ZFYVE9: variants seen among roughly 807,000 people sequenced by gnomAD.
ZFYVE9 encodes zinc finger FYVE domain-containing protein 9.
ZFYVE9 carries 43 observed loss-of-function variants against 126.7 expected under a neutral mutation model. The ratio of observed to expected loss-of-function variants is 0.34; its 90% confidence interval spans 0.27 to 0.44. ZFYVE9 has a LOEUF of 0.44. Among genes scored for constraint, ZFYVE9 ranks in the 20% least tolerant of loss-of-function variants. ZFYVE9 has a pLI of 1.00. For missense variants in ZFYVE9, 1,476 were observed against 1,697.0 expected (o/e 0.87, Z 2.29); for synonymous variants, 521 against 597.4 (o/e 0.87, Z 1.87).
At chr1:52,244,665 GA>G (rs1266444727) in intron 4 of ZFYVE9, among the ~76,000 whole-genome samples, 1 of 152,104 alleles carries the variant, frequency 6.6e-6, no homozygotes, top group Non-Finnish European at 1.5e-5. Context: ...TCAGTTAGAT[GA>G]ATTAAAAAAT....
intron 17 of ZFYVE9, among the ~76,000 whole-genome samples, chr1:52,341,398 T>C (rs1646436400): frequency 6.6e-6 from 1 of 152,180 alleles, no homozygotes; most frequent in Middle Eastern, 3.2e-3. Context: ...CACCTGGGAA[T>C]GAGAGGAGCA....
At chr1:52,162,046 A>G (rs1644465306) in intron 1 of ZFYVE9, 2 of 153,688 alleles carry the variant, frequency 1.3e-5, no homozygotes, top group African/African-American at 2.4e-5. Flanking sequence ...TAGATACTAA[A>G]TAAACCAAAA....
chr1:52,253,693 A>G (rs772838934), intron 4 of ZFYVE9: 3 of 1,603,128 alleles, frequency 1.9e-6, no homozygotes, highest in South Asian at 1.1e-5. Context: ...AGTACGGGAA[A>G]TTGGGTCACA....
intron 3 of ZFYVE9, among the ~76,000 whole-genome samples, chr1:52,236,688 A>T (rs553073175): frequency 1.7e-4 from 26 of 152,292 alleles, no homozygotes; most frequent in African/African-American, 5.5e-4. Context: ...ATGATAAATG[A>T]ACACTTTTTG....
intron 1 of ZFYVE9, among the ~76,000 whole-genome samples, chr1:52,198,196 A>G (rs1376686956): frequency 1.6e-5 from 2 of 128,880 alleles, no homozygotes; most frequent in African/African-American, 5.8e-5. Context: ...ATCTCGGCTC[A>G]CTACAACCTC....
At chr1:52,145,102 T>G (rs935388682) in intron 1 of ZFYVE9, among the ~76,000 whole-genome samples, 1 of 152,228 alleles carries the variant, frequency 6.6e-6, no homozygotes, top group Non-Finnish European at 1.5e-5. Flanking sequence ...AATCTCTGTT[T>G]AAGGCTTCTG....
rs745562224 is a variant in ZFYVE9, at chr1:52,233,272, C to A, written c.66C>A (p.Asn22Lys). ...AGGTGTTAGATGAATTTGAACAAAA[C>A]GAAGGTGAGAATTTATATTGGTGAA... ...LDKVLDEFEQNEDETVSSTLL... is the reference protein window; with the variant it reads ...LDKVLDEFEQKEDETVSSTLL... Residue 22 changes from asparagine to lysine, a missense_variant, in exon 3 of 19, where the codon AAC (asparagine) becomes AAA (lysine). Transcript: ENST00000287727. 1 of 1,575,260 alleles carries A rather than the reference C, an allele frequency of 6.3e-7. No homozygotes were observed. Among genetic ancestry groups the A allele is most frequent in the Non-Finnish European group, 8.6e-7 (1 of 1,157,480 alleles).
Position 52,239,550 on chromosome 1 carries a change from G to T in ZFYVE9, c.2133G>T (p.Arg711Ser). The change falls in exon 4 of 19, where the codon AGG becomes AGT. Residue 711 changes from arginine to serine, a missense_variant. Physicochemically the swap from Arg to Ser is moderately radical, Grantham distance 110. This residue lies in a region of ZFYVE9 where 669 missense variants were observed against 902.4 expected (regional missense o/e 0.74). Transcript: ENST00000287727. Reference protein sequence around the residue: ...QAPNCMKCEARFTFTKRRHHC... With the variant: ...QAPNCMKCEASFTFTKRRHHC... ...CAAATTGCATGAAATGTGAAGCCAG[G>T]TTTACATTCACCAAAAGGAGGCATC... 1.2e-6 allele frequency: 2 copies of T among 1,614,010 alleles called. No homozygotes were observed. Among genetic ancestry groups the T allele is most frequent in the Non-Finnish European group, 1.7e-6 (2 of 1,179,932 alleles).
Position 52,295,887 on chromosome 1 carries a change from TTC to T in ZFYVE9, c.3251-7_3251-6del, listed in dbSNP as rs768070076. The stretch of plus-strand genomic sequence containing the variant: ...AAATTTAAGTTTGATCATTTCTCAT[TTC>T]CATAGTTTATCCATGCCCACTATTC... On this transcript the variant is annotated splice_polypyrimidine_tract_variant and splice_region_variant and intron_variant, in intron 11 of 18. Transcript: ENST00000287727. The T allele has an allele frequency of 1.1e-5, 17 of 1,610,622 alleles. No homozygotes were observed. The South Asian group carries it at 1.9e-4, about 18-fold the overall frequency.
chr1:52,238,093 G>T lies in ZFYVE9; in HGVS notation c.676G>T (p.Val226Phe). 6.2e-7 allele frequency: 1 copy of T among 1,614,050 alleles called. No homozygotes were observed. Among genetic ancestry groups the T allele is most frequent in the African/African-American group, 1.3e-5 (1 of 75,050 alleles). The change falls in exon 4 of 19, where the codon GTT becomes TTT. Residue 226 changes from valine (V) to phenylalanine (F), a missense_variant. Val to Phe is a conservative substitution (Grantham distance 50, BLOSUM62 -1). Transcript: ENST00000287727. ...LNRPKTEGRS[V>F]NHLCPTSSDS... is the part of the protein sequence containing the mutation. ...TAGACCGAAAACAGAGGGGAGATCTGTTAACCATCTGTGTCCTACTTCATC... is the reference window on the plus strand; with the variant it reads ...TAGACCGAAAACAGAGGGGAGATCTTTTAACCATCTGTGTCCTACTTCATC...
At chr1:52,271,420 G>A (rs1645691327) in intron 7 of ZFYVE9, among the ~76,000 whole-genome samples, 1 of 152,098 alleles carries the variant, frequency 6.6e-6, no homozygotes, top group Non-Finnish European at 1.5e-5. Flanking sequence ...TGAAGTAAAT[G>A]TCTTTTTATT....
intron 17 of ZFYVE9, among the ~76,000 whole-genome samples, chr1:52,342,257 T>C (rs1646443746): frequency 7.2e-6 from 1 of 139,084 alleles, no homozygotes. Context: ...CTGTGTCTTT[T>C]ATATTTTGCC....
In ZFYVE9 at chr1:52,238,553, A is replaced by C. The variant is rs1256762071; in HGVS notation, c.1136A>C (p.Glu379Ala). ...GAAAATGAAGGTTATGAACATGAAG[A>C]AACTCTTGGCACTACAGAATTCCTT... ...ADENEGYEHE[E>A]TLGTTEFLNM... Residue 379 changes from glutamate (E) to alanine (A), a missense_variant, in exon 4 of 19, where the codon GAA (glutamate) becomes GCA (alanine). Around this residue, in one of 2 missense-constraint regions of ZFYVE9, gnomAD observed 807 missense variants for 794.6 expected, o/e 1.02. Coordinates refer to ENST00000287727, the MANE Select transcript of ZFYVE9 (RefSeq NM_004799.4). 1.9e-6 allele frequency: 3 copies of C among 1,614,116 alleles called. No individual in the cohort carries two copies. Among genetic ancestry groups the C allele is most frequent in the Non-Finnish European group, 2.5e-6 (3 of 1,179,962 alleles).
intron 13 of ZFYVE9, among the ~76,000 whole-genome samples, chr1:52,324,292 A>AAACAAAACAGATTG (rs1646270663): frequency 2.6e-5 from 4 of 152,050 alleles, no homozygotes; most frequent in Non-Finnish European, 5.9e-5. Context: ...AACAAAAACA[A>AAACAAAACAGATTG]AACAAAACAG....
chr1:52,143,095 ACT>A (rs1198207482), intron 1 of ZFYVE9, among the ~76,000 whole-genome samples: 1 of 152,174 alleles, frequency 6.6e-6, no homozygotes, highest in East Asian at 1.9e-4. Flanking sequence ...GTAGATAAAC[ACT>A]CACAGTTATA....
At chr1:52,209,161 A>G (rs949520528) in intron 1 of ZFYVE9, among the ~76,000 whole-genome samples, 4 of 152,208 alleles carry the variant, frequency 2.6e-5, no homozygotes, top group African/African-American at 9.7e-5. Context: ...GGTAAAAGGT[A>G]CACAAGATCG....
chr1:52,336,134 T>TA (rs112494573), intron 15 of ZFYVE9, among the ~76,000 whole-genome samples: 1,986 of 143,312 alleles, frequency 0.014, 34 homozygotes, highest in African/African-American at 0.046. Flanking sequence ...ACTCTATCTT[T>TA]AAAAAAAAAA....
chr1:52,201,378 T>TG (rs1644921318), intron 1 of ZFYVE9, among the ~76,000 whole-genome samples: 2 of 143,330 alleles, frequency 1.4e-5, no homozygotes, highest in African/African-American at 5.2e-5. Flanking sequence ...TTGGTAATTT[T>TG]TTTTTTTTTT....
intron 10 of ZFYVE9, among the ~76,000 whole-genome samples, chr1:52,282,412 T>G (rs1260524554): frequency 6.6e-6 from 1 of 152,204 alleles, no homozygotes; most frequent in Non-Finnish European, 1.5e-5. Flanking sequence ...CAGCCTCCCT[T>G]TGATTTAACA....
Sources: allele counts gnomAD v4.1 joint callset (sites outside exome capture counted in the v4.1 genomes callset), GRCh38; gene constraint gnomAD v4.1.1; regional missense constraint gnomAD v4.1.1; transcripts MANE v1.5; gene names NCBI Gene and HGNC (gene_info 2026-07-23, HGNC 2026-07-21).